The following MARCHF1 variants were observed in gnomAD, a reference collection of about 807,000 sequenced individuals.
MARCHF1 encodes the protein E3 ubiquitin-protein ligase MARCHF1.
A neutral mutation model predicts 54.2 loss-of-function variants in MARCHF1; 40 were observed. That is an observed-to-expected ratio of 0.74 (90% CI 0.57 to 0.96). The LOEUF (loss-of-function observed/expected upper bound fraction) is 0.96, where lower values mean the gene tolerates loss of function less well. Among genes scored for constraint, MARCHF1 ranks in the 40% least tolerant of loss-of-function variants. The probability of loss-of-function intolerance (pLI) is 0.00; values close to 1 mark genes in which losing one functional copy is unlikely to be tolerated. For synonymous variants in MARCHF1, 236 were observed against 236.3 expected (o/e 1.00, Z 0.01); for missense variants, 586 against 656.5 (o/e 0.89, Z 1.17).
intron 2 of MARCHF1, among the ~76,000 whole-genome samples, chr4:164,030,021 A>G (rs1753845374): frequency 6.6e-6 from 1 of 152,238 alleles, no homozygotes; most frequent in South Asian, 2.1e-4. Flanking sequence ...AGTAACAAAA[A>G]CACCAGATAA....
At chr4:164,224,397 G>T (rs1174024247) in intron 1 of MARCHF1, among the ~76,000 whole-genome samples, 1 of 151,844 alleles carries the variant, frequency 6.6e-6, no homozygotes, top group African/African-American at 2.4e-5. Context: ...TACTCTCCAT[G>T]TGTGTCCTAG....
intron 8 of MARCHF1, chr4:163,583,611 G>T (rs1260106092): frequency 2.7e-5 from 4 of 150,236 alleles, no homozygotes; most frequent in African/African-American, 7.4e-5. Context: ...CCACTAGGTT[G>T]CTGTGACACA....
At chr4:164,356,075 C>G (rs1017299905) in intron 1 of MARCHF1, among the ~76,000 whole-genome samples, 1 of 136,364 alleles carries the variant, frequency 7.3e-6, no homozygotes, top group Non-Finnish European at 1.6e-5. Context: ...GACATCATCT[C>G]ACACCAGTTA....
intron 1 of MARCHF1, among the ~76,000 whole-genome samples, chr4:164,119,502 G>A (rs1344651172): frequency 6.6e-6 from 1 of 150,638 alleles, no homozygotes; most frequent in African/African-American, 2.4e-5. Flanking sequence ...CCAAAAGAAA[G>A]CAAAAGAAAT....
intron 3 of MARCHF1, among the ~76,000 whole-genome samples, chr4:163,860,910 TACA>T (rs1488143265): frequency 1.3e-5 from 2 of 152,236 alleles, no homozygotes; most frequent in East Asian, 3.9e-4. Flanking sequence ...TTTGGCTTTC[TACA>T]ACAACAAAAA....
chr4:163,631,010 G>A (rs1742057596), intron 5 of MARCHF1, among the ~76,000 whole-genome samples: 1 of 152,144 alleles, frequency 6.6e-6, no homozygotes, highest in Admixed American at 6.5e-5. Context: ...AGTGTCTGTG[G>A]TTTTGAAACA....
At chr4:163,895,224 C>T (rs1350573818) in intron 3 of MARCHF1, among the ~76,000 whole-genome samples, 1 of 152,142 alleles carries the variant, frequency 6.6e-6, no homozygotes, top group African/African-American at 2.4e-5. Context: ...AAGTTTTCAG[C>T]AGTCTAATGA....
chr4:164,059,823 T>G (rs554822368), intron 2 of MARCHF1, among the ~76,000 whole-genome samples: 1 of 152,274 alleles, frequency 6.6e-6, no homozygotes, highest in African/African-American at 2.4e-5. Context: ...TTGAAATGAA[T>G]AAATATTTGA....
chr4:163,682,095 A>G (rs1451746572), intron 5 of MARCHF1, among the ~76,000 whole-genome samples: 1 of 152,186 alleles, frequency 6.6e-6, no homozygotes, highest in Non-Finnish European at 1.5e-5. Flanking sequence ...GGAGATGAGG[A>G]ACTTGTTGGG....
chr4:163,662,036 C>T (rs919596449), intron 5 of MARCHF1, among the ~76,000 whole-genome samples: 2 of 152,004 alleles, frequency 1.3e-5, no homozygotes, highest in African/African-American at 4.8e-5. Context: ...AAGTTTGGAG[C>T]CATCCTGATT....
chr4:164,069,863 C>T (rs1422317360), intron 2 of MARCHF1, among the ~76,000 whole-genome samples: 2 of 152,144 alleles, frequency 1.3e-5, no homozygotes, highest in Non-Finnish European at 2.9e-5. Flanking sequence ...TGGAATTAAC[C>T]TAGGTGCCCT....
At chr4:164,078,759 T>C (rs1755030726) in intron 2 of MARCHF1, among the ~76,000 whole-genome samples, 1 of 152,184 alleles carries the variant, frequency 6.6e-6, no homozygotes, top group South Asian at 2.1e-4. Flanking sequence ...ATGTGTTTGA[T>C]ATATTTCCGA....
At chr4:164,226,045 C>T (rs922870099) in intron 1 of MARCHF1, among the ~76,000 whole-genome samples, 3 of 151,990 alleles carry the variant, frequency 2.0e-5, no homozygotes, top group African/African-American at 7.2e-5. Flanking sequence ...ACACAATCAA[C>T]TCGCCTTCAC....
chr4:164,052,863 T>C (rs1754403209), intron 2 of MARCHF1, among the ~76,000 whole-genome samples: 1 of 152,160 alleles, frequency 6.6e-6, no homozygotes, highest in African/African-American at 2.4e-5. Flanking sequence ...TCGAGGTATT[T>C]ATACCTCGAT....
At chr4:163,871,719 A>T (rs1750173409) in intron 3 of MARCHF1, among the ~76,000 whole-genome samples, 2 of 152,200 alleles carry the variant, frequency 1.3e-5, no homozygotes, top group African/African-American at 4.8e-5. Flanking sequence ...TATTTATATC[A>T]TATGAAAATC....
intron 3 of MARCHF1, among the ~76,000 whole-genome samples, chr4:163,940,568 A>T (rs1017067137): frequency 1.3e-5 from 2 of 152,070 alleles, no homozygotes; most frequent in African/African-American, 4.8e-5. Flanking sequence ...TTTGCACAGT[A>T]TGGGAAATGC....
intron 1 of MARCHF1, among the ~76,000 whole-genome samples, chr4:164,319,781 T>C (rs1406830725): frequency 6.6e-6 from 1 of 152,132 alleles, no homozygotes; most frequent in East Asian, 1.9e-4. Flanking sequence ...GAATGACTTA[T>C]ACATAGCTGG....
At chr4:163,934,498 G>T (rs572523634) in intron 3 of MARCHF1, among the ~76,000 whole-genome samples, 1 of 143,480 alleles carries the variant, frequency 7.0e-6, no homozygotes, top group Non-Finnish European at 1.5e-5. Context: ...TTTGAATGCC[G>T]CAGTGAGCCA....
chr4:163,957,596 C>T (rs923094289), intron 3 of MARCHF1, among the ~76,000 whole-genome samples: 1 of 152,000 alleles, frequency 6.6e-6, no homozygotes, highest in Non-Finnish European at 1.5e-5. Flanking sequence ...CAGATATATA[C>T]ATGTAAACTG....
Sources: gnomAD v4.1 joint callset for allele counts (sites outside exome capture counted in the v4.1 genomes callset) on GRCh38, gnomAD v4.1.1 for gene constraint, MANE v1.5 for transcripts, NCBI Gene and HGNC (gene_info 2026-07-23, HGNC 2026-07-21) for gene names.